Variants in ZFHX3 observed in about 807,000 individuals in gnomAD.
ZFHX3 encodes the protein zinc finger homeobox protein 3.
A neutral mutation model predicts 279.1 loss-of-function variants in ZFHX3; 42 were observed. The observed-to-expected ratio is 0.15, with a 90% CI of 0.12 to 0.19. The LOEUF (loss-of-function observed/expected upper bound fraction) is 0.19, where lower values mean the gene tolerates loss of function less well. Ranked by LOEUF, ZFHX3 falls within the 10% of genes least tolerant of loss-of-function variation. The pLI, the probability that ZFHX3 is intolerant of heterozygous loss-of-function variation, is 1.00. For synonymous variants in ZFHX3, 2,293 were observed against 1,957.8 expected (o/e 1.17, Z -4.52); for missense variants, 4,981 against 4,754.0 (o/e 1.05, Z -1.40).
intron 3 of ZFHX3, among the ~76,000 whole-genome samples, chr16:73,365,399 G>C (rs1244551045): frequency 1.3e-5 from 2 of 152,204 alleles, no homozygotes; most frequent in Non-Finnish European, 1.5e-5. Flanking sequence ...CCTTACATGA[G>C]TCTAGACATT....
chr16:73,820,572 A>C (rs1022429149), intron 1 of ZFHX3, among the ~76,000 whole-genome samples: 2 of 152,062 alleles, frequency 1.3e-5, no homozygotes, highest in Non-Finnish European at 2.9e-5. Context: ...CCTGTTACCC[A>C]GTCCAATCAA....
At chr16:73,469,017 A>G (rs1044450295) in intron 2 of ZFHX3, among the ~76,000 whole-genome samples, 19 of 152,224 alleles carry the variant, frequency 1.2e-4, no homozygotes, top group African/African-American at 4.3e-4. Context: ...CATCCTCATG[A>G]TAGAGATAAG....
intron 3 of ZFHX3, among the ~76,000 whole-genome samples, chr16:72,900,484 T>G (rs1338089051): frequency 1.3e-5 from 2 of 152,228 alleles, no homozygotes; most frequent in African/African-American, 4.8e-5. Flanking sequence ...ATGAGAAAAC[T>G]TCCACATATG....
intron 1 of ZFHX3, among the ~76,000 whole-genome samples, chr16:73,735,136 A>G (rs922238305): frequency 1.1e-4 from 17 of 152,306 alleles, no homozygotes; most frequent in African/African-American, 4.1e-4. Context: ...TTGTGCAGCC[A>G]TCACCACCAC....
chr16:73,629,729 A>G (rs919974054), intron 2 of ZFHX3, among the ~76,000 whole-genome samples: 1 of 152,210 alleles, frequency 6.6e-6, no homozygotes, highest in South Asian at 2.1e-4. Context: ...AGATGGACAT[A>G]AAGAGATGAA....
intron 1 of ZFHX3, among the ~76,000 whole-genome samples, chr16:73,823,530 G>C (rs1275134358): frequency 6.6e-6 from 1 of 152,214 alleles, no homozygotes; most frequent in Non-Finnish European, 1.5e-5. Context: ...ACAGAATCTA[G>C]AATAGGGGTT....
intron 1 of ZFHX3, among the ~76,000 whole-genome samples, chr16:72,975,077 C>T (rs926414806): frequency 2.0e-5 from 3 of 152,154 alleles, no homozygotes; most frequent in Non-Finnish European, 4.4e-5. Flanking sequence ...GGCTTTGAGA[C>T]AGACTGAAGG....
chr16:73,369,148 T>C (rs2016578988), intron 3 of ZFHX3, among the ~76,000 whole-genome samples: 1 of 152,244 alleles, frequency 6.6e-6, no homozygotes, highest in Admixed American at 6.5e-5. Flanking sequence ...TCTCCTAAAA[T>C]GCCATTCTAT....
chr16:73,428,410 G>A (rs1567481219), intron 3 of ZFHX3, among the ~76,000 whole-genome samples: 1 of 152,126 alleles, frequency 6.6e-6, no homozygotes, highest in Non-Finnish European at 1.5e-5. Context: ...CCAGGAAGGG[G>A]CCCTGACAAT....
chr16:72,839,592 CAG>C (rs751617150), intron 4 of ZFHX3, among the ~76,000 whole-genome samples: 2 of 151,862 alleles, frequency 1.3e-5, no homozygotes, highest in Non-Finnish European at 2.9e-5. Context: ...AGAGAGGAAA[CAG>C]TAATGTCTTA....
chr16:73,162,169 G>T (rs1022087618), intron 5 of ZFHX3, among the ~76,000 whole-genome samples: 1 of 152,228 alleles, frequency 6.6e-6, no homozygotes, highest in African/African-American at 2.4e-5. Flanking sequence ...TTGAGCAACA[G>T]GTCAGTGAGC....
intron 1 of ZFHX3, among the ~76,000 whole-genome samples, chr16:73,751,753 C>T (rs781281783): frequency 1.3e-5 from 2 of 152,184 alleles, no homozygotes; most frequent in Non-Finnish European, 2.9e-5. Context: ...CTTCCTGCTT[C>T]CACAACCTCA....
At chr16:72,872,432 C>G (rs190902955) in intron 4 of ZFHX3, among the ~76,000 whole-genome samples, 2 of 152,192 alleles carry the variant, frequency 1.3e-5, no homozygotes, top group Admixed American at 6.5e-5. Context: ...TAGGAGATTA[C>G]GAGAAAAATA....
At position 72,795,891 on chromosome 16, in the gene ZFHX3, T is replaced by A; in HGVS notation, c.6791A>T (p.Asn2264Ile). ...AAATTCATCATCCTTTGGGTAAGCATTGGCATCGAAGAAGTCCTGTAAGAC... is the reference window on the plus strand; with the variant it reads ...AAATTCATCATCCTTTGGGTAAGCAATGGCATCGAAGAAGTCCTGTAAGAC... ...LRVLQDFFDA[N>I]AYPKDDEFEQ... Residue 2264 changes from asparagine to isoleucine, a missense_variant, in exon 9 of 10, where the codon AAT becomes ATT. This residue lies in a region of ZFHX3 where 177 missense variants were observed against 244.2 expected (regional missense o/e 0.72). Coordinates refer to ENST00000268489, the MANE Select transcript of ZFHX3 (RefSeq NM_006885.4). 6.2e-7 allele frequency: 1 copy of A among 1,614,168 alleles called. No individual in the cohort carries two copies.
Position 73,044,159 on chromosome 16 carries a change from C to T in ZFHX3, c.-50+3593G>A, listed in dbSNP as rs554777807. On this transcript the variant is annotated intron_variant, in intron 1 of 9. Transcript: ENST00000268489. ...ATTTCCCCTGACCATAGTTTTTTAA[C>T]TCAGGCAGAGGACGGTGGTTCTGAG... Among the ~76,000 whole-genome samples, 4 of 151,148 alleles carry T rather than the reference C, an allele frequency of 2.6e-5. No individual in the cohort carries two copies. The South Asian group carries it at 8.4e-4, about 32-fold the overall frequency.
At chr16:73,267,547 C>T (rs192781080) in intron 4 of ZFHX3, among the ~76,000 whole-genome samples, 2 of 152,188 alleles carry the variant, frequency 1.3e-5, no homozygotes, top group South Asian at 2.1e-4. Context: ...ACAAAAGGGA[C>T]GAGCCTCAAT....
At chr16:73,149,404 T>G (rs897154948) in intron 5 of ZFHX3, among the ~76,000 whole-genome samples, 1 of 152,142 alleles carries the variant, frequency 6.6e-6, no homozygotes, top group African/African-American at 2.4e-5. Flanking sequence ...TAGAGATCAC[T>G]TCCATATTAT....
Position 72,925,512 on chromosome 16 carries a change from C to G in ZFHX3, c.3216+24957G>C, listed in dbSNP as rs188419295. 1.5e-4 allele frequency among the ~76,000 whole-genome samples: 23 copies of G among 152,346 alleles called. 1 individual carries two copies. The East Asian group carries it at 4.1e-3, about 27-fold the overall frequency. On this transcript the variant is annotated intron_variant, in intron 3 of 9. Transcript: ENST00000268489. ...CCAACCACCGCAGCAATGCTGCATA[C>G]GCACGCTGTGGGGTCAAGGACAGGT...
chr16:73,577,178 A>T (rs2051808812), intron 2 of ZFHX3, among the ~76,000 whole-genome samples: 1 of 152,188 alleles, frequency 6.6e-6, no homozygotes, highest in Admixed American at 6.5e-5. Flanking sequence ...AGAAAGCATC[A>T]AGATGTCTTC....
Sources: allele counts gnomAD v4.1 joint callset (sites outside exome capture counted in the v4.1 genomes callset), GRCh38; gene constraint gnomAD v4.1.1; regional missense constraint gnomAD v4.1.1; transcripts MANE v1.5; gene names NCBI Gene and HGNC (gene_info 2026-07-23, HGNC 2026-07-21).